OR9Q1: variants seen among roughly 807,000 people sequenced by gnomAD.
OR9Q1 encodes olfactory receptor family 9 subfamily Q member 1.
For missense variants in OR9Q1, 374 were observed against 378.8 expected, an observed-to-expected ratio of 0.99 and a Z score of 0.11; for synonymous variants, 153 against 148.6, an observed-to-expected ratio of 1.03 and a Z score of -0.22.
intron 2 of OR9Q1, among the ~76,000 whole-genome samples, chr11:58,153,936 A>G (rs972207800): frequency 5.9e-5 from 9 of 152,186 alleles, no homozygotes; most frequent in Admixed American, 1.3e-4. Context: ...ACAACCTATC[A>G]TCATTTTGTG....
chr11:58,096,618 TCC>T (rs1853734639), intron 2 of OR9Q1, among the ~76,000 whole-genome samples: 2 of 150,272 alleles, frequency 1.3e-5, no homozygotes, highest in African/African-American at 4.9e-5. Flanking sequence ...GCTTAAGTGA[TCC>T]TCTCACCTCA....
chr11:58,151,550 C>A (rs981641619), intron 2 of OR9Q1, among the ~76,000 whole-genome samples: 2 of 152,090 alleles, frequency 1.3e-5, no homozygotes, highest in East Asian at 3.9e-4. Flanking sequence ...ATAATACAAA[C>A]AACATAAAGT....
intron 2 of OR9Q1, among the ~76,000 whole-genome samples, chr11:58,177,354 C>T (rs547270442): frequency 2.0e-5 from 3 of 152,288 alleles, no homozygotes; most frequent in South Asian, 4.2e-4. Context: ...ATGGCCGTTC[C>T]ACCACTTCTG....
chr11:58,064,041 G>T (rs748202182), intron 2 of OR9Q1, among the ~76,000 whole-genome samples: 1 of 152,150 alleles, frequency 6.6e-6, no homozygotes, highest in Non-Finnish European at 1.5e-5. Context: ...GGCCTCCAGG[G>T]ATTATTAATC....
intron 1 of OR9Q1, among the ~76,000 whole-genome samples, chr11:58,039,905 T>G (rs555560364): frequency 6.6e-6 from 1 of 152,374 alleles, no homozygotes; most frequent in East Asian, 1.9e-4. Flanking sequence ...TATTGATTTA[T>G]TTAACAAATG....
At chr11:58,072,608 G>C (rs950012537) in intron 2 of OR9Q1, 2 of 154,056 alleles carry the variant, frequency 1.3e-5, no homozygotes, top group African/African-American at 4.8e-5. Flanking sequence ...CGGGTGTGGG[G>C]TTGTCATCTC....
chr11:58,046,713 G>A (rs1853220080), intron 1 of OR9Q1, among the ~76,000 whole-genome samples: 2 of 151,974 alleles, frequency 1.3e-5, no homozygotes, highest in South Asian at 4.2e-4. Context: ...AATACAAAAA[G>A]TTAGCTGGGC....
At chr11:58,073,941 T>G (rs1853514457) in intron 2 of OR9Q1, among the ~76,000 whole-genome samples, 1 of 152,224 alleles carries the variant, frequency 6.6e-6, no homozygotes, top group Non-Finnish European at 1.5e-5. Flanking sequence ...CTGAGAATGA[T>G]GTCTTCCAGC....
At chr11:58,120,343 A>G (rs1402807147) in intron 2 of OR9Q1, among the ~76,000 whole-genome samples, 1 of 152,176 alleles carries the variant, frequency 6.6e-6, no homozygotes, top group East Asian at 1.9e-4. Flanking sequence ...TACATTCATA[A>G]AATAACATAT....
At chr11:58,090,765 C>T (rs1280089950) in intron 2 of OR9Q1, among the ~76,000 whole-genome samples, 1 of 152,128 alleles carries the variant, frequency 6.6e-6, no homozygotes, top group East Asian at 1.9e-4. Flanking sequence ...GTGAATCCAT[C>T]TGGTCCTGGG....
intron 2 of OR9Q1, among the ~76,000 whole-genome samples, chr11:58,149,449 A>G (rs1221064018): frequency 1.3e-5 from 2 of 152,198 alleles, no homozygotes; most frequent in Non-Finnish European, 2.9e-5. Flanking sequence ...TAAAATACAC[A>G]TAACATGGAA....
chr11:58,054,874 A>G (rs1386507133), intron 1 of OR9Q1, among the ~76,000 whole-genome samples: 1 of 152,208 alleles, frequency 6.6e-6, no homozygotes, highest in Admixed American at 6.5e-5. Context: ...CAGTGAGCCA[A>G]GATCGCACCA....
chr11:58,120,892 C>A (rs1854025308), intron 2 of OR9Q1, among the ~76,000 whole-genome samples: 1 of 147,778 alleles, frequency 6.8e-6, no homozygotes, highest in African/African-American at 2.5e-5. Flanking sequence ...AGAAATTATT[C>A]CCTTGTTCTT....
intron 2 of OR9Q1, among the ~76,000 whole-genome samples, chr11:58,124,878 G>A (rs1337311772): frequency 6.6e-6 from 1 of 152,108 alleles, no homozygotes; most frequent in African/African-American, 2.4e-5. Context: ...ACTATGCATT[G>A]TAGACACATT....
chr11:58,045,959 C>T (rs886329225), intron 1 of OR9Q1, among the ~76,000 whole-genome samples: 1 of 152,216 alleles, frequency 6.6e-6, no homozygotes, highest in Non-Finnish European at 1.5e-5. Flanking sequence ...AGCAGCACTC[C>T]CTCAAGTTGT....
chr11:58,084,831 C>T (rs936614244), intron 2 of OR9Q1, among the ~76,000 whole-genome samples: 1 of 151,826 alleles, frequency 6.6e-6, no homozygotes, highest in Non-Finnish European at 1.5e-5. Context: ...CCACAGCCAA[C>T]ATCACACTGA....
At chr11:58,120,428 A>G (rs745634892) in intron 2 of OR9Q1, among the ~76,000 whole-genome samples, 2 of 151,992 alleles carry the variant, frequency 1.3e-5, no homozygotes, top group Non-Finnish European at 2.9e-5. Context: ...AAGAAAATTT[A>G]TTATCTTTTT....
chr11:58,031,955 GTT>G, intron 1 of OR9Q1: 2 of 1,099,018 alleles, frequency 1.8e-6, no homozygotes. Context: ...TTAAAAACAG[GTT>G]AGTCAATAAC....
chr11:58,152,935 G>C (rs1854368354), intron 2 of OR9Q1, among the ~76,000 whole-genome samples: 1 of 152,112 alleles, frequency 6.6e-6, no homozygotes, highest in Non-Finnish European at 1.5e-5. Context: ...TCTCCCTCTG[G>C]AATCCGAGCT....
Sources: gnomAD v4.1 joint callset for allele counts (sites outside exome capture counted in the v4.1 genomes callset) on GRCh38, gnomAD v4.1.1 for gene constraint, MANE v1.5 for transcripts, NCBI Gene and HGNC (gene_info 2026-07-23, HGNC 2026-07-21) for gene names.